The following MYO1B variants were observed in gnomAD, a reference collection of about 807,000 sequenced individuals.
MYO1B encodes the protein unconventional myosin-Ib.
A neutral mutation model predicts 159.7 loss-of-function variants in MYO1B; 72 were observed. The observed-to-expected ratio is 0.45, with a 90% CI of 0.37 to 0.55. MYO1B has a LOEUF of 0.55. Ranked by LOEUF, MYO1B falls within the 20% of genes least tolerant of loss-of-function variation. The pLI is 0.00. For missense variants in MYO1B, 1,062 were observed against 1,364.8 expected (o/e 0.78, Z 3.50); for synonymous variants, 468 against 473.8 (o/e 0.99, Z 0.16).
chr2:191,388,838 G>A (rs565325232), intron 17 of MYO1B, among the ~76,000 whole-genome samples: 10 of 152,060 alleles, frequency 6.6e-5, no homozygotes, highest in East Asian at 5.8e-4. Flanking sequence ...AGGTTAAGAC[G>A]TAAAACATTT....
intron 30 of MYO1B, among the ~76,000 whole-genome samples, chr2:191,422,234 A>G (rs1697983322): frequency 6.6e-6 from 1 of 152,158 alleles, no homozygotes; most frequent in Admixed American, 6.5e-5. Context: ...TCATAATGCT[A>G]TGCTAATTAT....
chr2:191,375,605 G>A (rs1694657300), intron 13 of MYO1B, among the ~76,000 whole-genome samples: 1 of 152,074 alleles, frequency 6.6e-6, no homozygotes, highest in South Asian at 2.1e-4. Context: ...AAGTCTTATA[G>A]TGTATATTTT....
chr2:191,311,235 T>C (rs1329346790), intron 3 of MYO1B, among the ~76,000 whole-genome samples: 1 of 152,208 alleles, frequency 6.6e-6, no homozygotes, highest in East Asian at 1.9e-4. Flanking sequence ...ATACATTTTC[T>C]ACTAATCTTT....
chr2:191,246,423 T>G (rs924601620), intron 1 of MYO1B: 1 of 152,198 alleles, frequency 6.6e-6, no homozygotes. Flanking sequence ...CTAGAGCTTA[T>G]TTGTAGTGCT....
intron 11 of MYO1B, 27 bp from the exon 12 acceptor site, chr2:191,369,515 A>G: frequency 1.3e-6 from 2 of 1,539,484 alleles, no homozygotes; most frequent in East Asian, 4.5e-5. Context: ...TGTGGGTGTT[A>G]AGTTTTGTTT....
chr2:191,398,907 A>G (rs1001230452), intron 21 of MYO1B, among the ~76,000 whole-genome samples: 4 of 152,214 alleles, frequency 2.6e-5, no homozygotes, highest in Admixed American at 1.3e-4. Context: ...TGGGAGGCCA[A>G]GGCAGGCGGC....
rs768592057 is a variant in MYO1B at position 191,399,601 on chromosome 2, G to C, written c.2296-781G>C. 2.2e-3 allele frequency among the ~76,000 whole-genome samples: 331 copies of C among 152,310 alleles called. 1 individual carries two copies. Among genetic ancestry groups the C allele is most frequent in the Non-Finnish European group, 3.4e-3 (234 of 68,014 alleles). On this transcript the variant is annotated intron_variant, in intron 21 of 30. Transcript: ENST00000392318. ...TCCTGTGAGGAGACTTTGTGGTATG[G>C]TCTGGATCCAGAGGGGTAGTGCCCA...
intron 1 of MYO1B, among the ~76,000 whole-genome samples, chr2:191,257,986 T>A (rs1468746531): frequency 3.3e-5 from 5 of 152,260 alleles, no homozygotes; most frequent in Non-Finnish European, 7.3e-5. Flanking sequence ...TTTTATAAAA[T>A]GTGTATACCT....
chr2:191,275,223 C>T (rs1687677423), intron 1 of MYO1B, among the ~76,000 whole-genome samples: 3 of 152,140 alleles, frequency 2.0e-5, no homozygotes, highest in African/African-American at 7.2e-5. Flanking sequence ...CTTTTTGTTC[C>T]AGGTGTATTT....
chr2:191,348,198 C>T (rs1692690579), intron 6 of MYO1B, among the ~76,000 whole-genome samples: 1 of 152,168 alleles, frequency 6.6e-6, no homozygotes, highest in African/African-American at 2.4e-5. Context: ...TGGTTTATCC[C>T]TGGTTGTCTT....
chr2:191,277,157 C>T, intron 2 of MYO1B, 127 bp downstream of exon 2: 1 of 1,170,698 alleles, frequency 8.5e-7, no homozygotes, highest in South Asian at 1.5e-5. Context: ...TTGCTTTATA[C>T]CCTCAGAAAG....
intron 1 of MYO1B, among the ~76,000 whole-genome samples, chr2:191,256,199 A>G (rs1553527368): frequency 6.6e-6 from 1 of 152,196 alleles, no homozygotes; most frequent in Non-Finnish European, 1.5e-5. Context: ...TGCAGTGGTT[A>G]TGGGCTGGGC....
chr2:191,422,796 C>T (rs1034369267), intron 30 of MYO1B, among the ~76,000 whole-genome samples: 2 of 152,000 alleles, frequency 1.3e-5, no homozygotes, highest in Non-Finnish European at 2.9e-5. Flanking sequence ...ACCTCATTTT[C>T]TCAATTTGTT....
chr2:191,372,092 T>TA (rs1408160678), intron 13 of MYO1B, among the ~76,000 whole-genome samples: 1 of 152,248 alleles, frequency 6.6e-6, no homozygotes, highest in Non-Finnish European at 1.5e-5. Flanking sequence ...GAAAAAGACT[T>TA]ACTACCTAGC....
rs114540536 is a variant in MYO1B, at chr2:191,328,982, C to A, written c.252-953C>A. The stretch of plus-strand genomic sequence containing the variant: ...CTTTCTCTTTCTCTCCTCCTTTTGA[C>A]GGAGAACTCCTGAAAGAAGGGGTCA... On this transcript the variant is annotated intron_variant, in intron 3 of 30. Coordinates refer to ENST00000392318, the MANE Select transcript of MYO1B (RefSeq NM_001130158.3). 9.0e-3 allele frequency among the ~76,000 whole-genome samples: 1,373 copies of A among 152,184 alleles called. 25 individuals are homozygous for A. The highest frequency in any genetic ancestry group is 0.031 in the African/African-American group (1,273 of 41,496).
intron 15 of MYO1B, among the ~76,000 whole-genome samples, chr2:191,383,753 A>G (rs1347419186): frequency 6.6e-6 from 1 of 151,906 alleles, no homozygotes; most frequent in Non-Finnish European, 1.5e-5. Context: ...GTTGGAGCCC[A>G]GGTCTATTCC....
chr2:191,286,573 T>C (rs1430017924), intron 2 of MYO1B, among the ~76,000 whole-genome samples: 3 of 152,214 alleles, frequency 2.0e-5, no homozygotes, highest in Non-Finnish European at 4.4e-5. Context: ...CCTAGACTTT[T>C]AATATTAGTT....
At chr2:191,277,645 A>G (rs1199767233) in intron 2 of MYO1B, among the ~76,000 whole-genome samples, 1 of 152,242 alleles carries the variant, frequency 6.6e-6, no homozygotes, top group African/African-American at 2.4e-5. Context: ...AGTTCTCTAA[A>G]TATTTTAAAA....
chr2:191,298,687 TG>T (rs1399117432), intron 3 of MYO1B, among the ~76,000 whole-genome samples: 1 of 152,244 alleles, frequency 6.6e-6, no homozygotes, highest in Admixed American at 6.5e-5. Context: ...AAAGTATTTA[TG>T]GCTAATATTT....
Sources: gnomAD v4.1 joint callset for allele counts (sites outside exome capture counted in the v4.1 genomes callset) on GRCh38, gnomAD v4.1.1 for gene constraint, MANE v1.5 for transcripts, NCBI Gene and HGNC (gene_info 2026-07-23, HGNC 2026-07-21) for gene names.